Variants in SZRD1 observed in about 807,000 individuals in gnomAD.
SZRD1 encodes the protein SUZ RNA binding domain containing 1.
SZRD1 carries 7 observed loss-of-function variants against 17.6 expected under a neutral mutation model. The ratio of observed to expected loss-of-function variants is 0.40; its 90% CI spans 0.23 to 0.75. The LOEUF (loss-of-function observed/expected upper bound fraction) is 0.75, where lower values mean the gene tolerates loss of function less well. Ranked by LOEUF, SZRD1 falls within the 30% of genes least tolerant of loss-of-function variation. The pLI is 0.38. For synonymous variants in SZRD1, 77 were observed against 77.9 expected, an observed-to-expected ratio of 0.99 and a Z score of 0.06; for missense variants, 178 against 201.8, an observed-to-expected ratio of 0.88 and a Z score of 0.71.
rs1447859959 is a variant in SZRD1 at position 16,395,663 on chromosome 1, G to A, written c.*523G>A. ...ACAAATATCTGATTTGCAAGAAAAA[G>A]TGCATGGGAGGGGTTTTAGTGGTTT... On this transcript the variant is annotated 3_prime_UTR_variant, in exon 4 of 4. Coordinates refer to ENST00000401088, the MANE Select transcript of SZRD1 (RefSeq NM_001114600.3). 6.4e-6 allele frequency: 1 copy of A among 157,442 alleles called. No individual in the cohort carries two copies. Among genetic ancestry groups the A allele is most frequent in the Non-Finnish European group, 1.4e-5 (1 of 70,710 alleles). The allele number at this position is 157,442 out of a possible 1,614,324, so 9.8% of individuals were successfully genotyped here.
At chr1:16,385,934 CTG>C (rs1339650804) in intron 1 of SZRD1, among the ~76,000 whole-genome samples, 1 of 152,208 alleles carries the variant, frequency 6.6e-6, no homozygotes, top group African/African-American at 2.4e-5. Flanking sequence ...TTCCTCCCCA[CTG>C]TGCTTCTTCA....
At chr1:16,389,697 G>A (rs1415157872) in intron 1 of SZRD1, among the ~76,000 whole-genome samples, 4 of 152,136 alleles carry the variant, frequency 2.6e-5, no homozygotes, top group African/African-American at 7.2e-5. Context: ...CGCCCGCCTC[G>A]GCCTCCCAAA....
intron 1 of SZRD1, among the ~76,000 whole-genome samples, chr1:16,384,446 C>A (rs1338506652): frequency 6.6e-6 from 1 of 151,630 alleles, no homozygotes; most frequent in African/African-American, 2.4e-5. Flanking sequence ...TAGTTTTAGA[C>A]CAGATTTTGC....
intron 1 of SZRD1, among the ~76,000 whole-genome samples, chr1:16,389,400 G>T (rs2085186999): frequency 6.7e-6 from 1 of 150,272 alleles, no homozygotes; most frequent in Non-Finnish European, 1.5e-5. Flanking sequence ...GAGTAGCTGG[G>T]ACTACAGGCG....
In SZRD1 at chr1:16,388,114, C is replaced by CAT. The variant is rs140396025; in HGVS notation, c.52-3248_52-3247dup. Among the ~76,000 whole-genome samples the CAT allele has an allele frequency of 5.7e-3, 868 of 151,080 alleles. 4 individuals carry two copies. Among genetic ancestry groups the CAT allele is most frequent in the South Asian group, 0.018 (84 of 4,790 alleles). On this transcript the variant is annotated intron_variant, in intron 1 of 3. Coordinates refer to ENST00000401088, the MANE Select transcript of SZRD1 (RefSeq NM_001114600.3). Reference sequence around the variant, plus strand: ...TGGTGCCTCAGAATACAATAAATTACATATATATATATATTTTGAGACAGA... The same window carrying CAT: ...TGGTGCCTCAGAATACAATAAATTACATATATATATATATATTTTGAGACAGA...
At chr1:16,371,586 C>G (rs1046544781) in intron 1 of SZRD1, among the ~76,000 whole-genome samples, 6 of 151,564 alleles carry the variant, frequency 4.0e-5, no homozygotes, top group Non-Finnish European at 7.4e-5. Context: ...CTCAGCCTCC[C>G]GAGTAGCTGG....
chr1:16,371,086 A>G (rs1203095331), intron 1 of SZRD1, among the ~76,000 whole-genome samples: 6 of 152,214 alleles, frequency 3.9e-5, no homozygotes, highest in African/African-American at 9.6e-5. Flanking sequence ...GGTGAAGACT[A>G]ATAACCTAAA....
At chr1:16,394,746 G>C (rs1400881923) in intron 3 of SZRD1, among the ~76,000 whole-genome samples, 2 of 152,156 alleles carry the variant, frequency 1.3e-5, no homozygotes, top group African/African-American at 4.8e-5. Flanking sequence ...CTTGAGGTCA[G>C]GAGTTCAAGA....
chr1:16,379,797 G>A lies in SZRD1; in HGVS notation c.52-11578G>A, dbSNP rs2083066513. ...TTTTTTTGAGACGAAGTCTCGCTCT[G>A]TTGCCCAGGCTGGAGTGCAGTGGCG... On this transcript the variant is annotated intron_variant, in intron 1 of 3. Transcript: ENST00000401088. 2.3e-5 allele frequency among the ~76,000 whole-genome samples: 3 copies of A among 128,148 alleles called. No homozygotes were observed. In the Admixed American group the frequency reaches 2.8e-4, roughly 12 times the overall value. 84.1% of individuals were successfully genotyped at this position (128,148 alleles called of 152,430 possible).
Position 16,393,280 on chromosome 1 carries a change from C to T in SZRD1, c.154C>T (p.Leu52Phe). 6.2e-7 allele frequency: 1 copy of T among 1,614,212 alleles called. No individual in the cohort carries two copies. The highest frequency in any genetic ancestry group is 8.5e-7 in the Non-Finnish European group (1 of 1,180,034). The change falls in exon 3 of 4, where the codon CTT (leucine) becomes TTT (phenylalanine). Residue 52 changes from leucine to phenylalanine, a missense_variant. This residue lies in a region of SZRD1 where 117 missense variants were observed against 108.7 expected (regional missense o/e 1.08). Transcript: ENST00000401088. This position sits in a 1 kb window ranked among gnomAD's most constrained non-coding sequence, Gnocchi z 5.6. ...KVPIVIQDDSLPAGPPPQIRI... is the reference protein window; with the variant it reads ...KVPIVIQDDSFPAGPPPQIRI... ...GCCCATTGTGATTCAGGACGATAGC[C>T]TTCCCGCGGGGCCCCCTCCACAGAT...
intron 1 of SZRD1, among the ~76,000 whole-genome samples, chr1:16,386,516 A>C (rs757707465): frequency 1.5e-4 from 23 of 152,328 alleles, no homozygotes; most frequent in East Asian, 5.8e-4. Context: ...TTTTCAGAGC[A>C]TGAGTCTGAG....
chr1:16,389,691 C>T (rs201388037), intron 1 of SZRD1, among the ~76,000 whole-genome samples: 4,287 of 152,226 alleles, frequency 0.028, 183 homozygotes, highest in African/African-American at 0.091. Flanking sequence ...GTGATCCGCC[C>T]GCCTCGGCCT....
chr1:16,393,465 G>A lies in SZRD1; in HGVS notation c.339G>A (p.Glu113=). ...LGSASPEEEQ[E]KPILDRPTRI... ...GCGCCAGCCCCGAGGAGGAGCAGGA[G>A]AAACCCATCCTCGACAGGTGAGTGT... Residue 113 remains glutamate (E), a synonymous_variant, in exon 3 of 4, where the codon GAG becomes GAA. Transcript: ENST00000401088. The surrounding 1 kb of genome is among the most constrained non-coding windows in gnomAD (Gnocchi z 5.6). The A allele has an allele frequency of 6.2e-7, 1 of 1,612,670 alleles. No homozygotes were observed. Among genetic ancestry groups the A allele is most frequent in the Non-Finnish European group, 8.5e-7 (1 of 1,179,528 alleles).
At chr1:16,371,182 C>G (rs1470929925) in intron 1 of SZRD1, among the ~76,000 whole-genome samples, 4 of 152,134 alleles carry the variant, frequency 2.6e-5, no homozygotes, top group Non-Finnish European at 5.9e-5. Context: ...CCTCCAACAC[C>G]ACAAGAAAAT....
Position 16,391,465 on chromosome 1 carries a change from G to GT in SZRD1, c.101+44dup. On this transcript the variant is annotated intron_variant, in intron 2 of 3. Transcript: ENST00000401088. The surrounding 1 kb of genome is among the most constrained non-coding windows in gnomAD (Gnocchi z 4.3). ...GGTCTGAGGGCTCATGCTCTCTGTG[G>GT]TTTGAGAGCCGGGCAGTCAGTGGTG... 6.6e-7 allele frequency: 1 copy of GT among 1,507,870 alleles called. No homozygotes were observed. The highest frequency in any genetic ancestry group is 9.0e-7 in the Non-Finnish European group (1 of 1,110,472). The allele number at this position is 1,507,870 out of a possible 1,614,324, so 93.4% of individuals were successfully genotyped here.
intron 1 of SZRD1, among the ~76,000 whole-genome samples, chr1:16,380,934 A>G (rs142203962): frequency 0.016 from 2,500 of 151,880 alleles, 52 homozygotes; most frequent in Admixed American, 0.031. Context: ...TTTTAAAGAA[A>G]AAAATAGCTG....
rs1419564388 is a variant in SZRD1 at position 16,397,307 on chromosome 1, T to C, written c.*2167T>C. On this transcript the variant is annotated 3_prime_UTR_variant, in exon 4 of 4. Transcript: ENST00000401088. This position sits in a 1 kb window ranked among gnomAD's most constrained non-coding sequence, Gnocchi z 5.4. Reference sequence around the variant, plus strand: ...ACCCACCAGCAGTCATGCCCTGGGCTTCCCAAATGGAGAGGTAGCAGGCAA... The same window carrying C: ...ACCCACCAGCAGTCATGCCCTGGGCCTCCCAAATGGAGAGGTAGCAGGCAA... 6.6e-6 allele frequency: 1 copy of C among 152,280 alleles called. No homozygotes were observed. Among genetic ancestry groups the C allele is most frequent in the Non-Finnish European group, 1.5e-5 (1 of 68,060 alleles). The allele number at this position is 152,280 out of a possible 1,614,324, so 9.4% of individuals were successfully genotyped here.
At position 16,389,719 on chromosome 1, in the gene SZRD1, A is replaced by G. The variant is rs547320397; in HGVS notation, c.52-1656A>G. ...CTCGGCCTCCCAAAGTGCTGGGATTATAGGCGTGAGCCACCGCGCTGGGCT... is the reference window on the plus strand; with the variant it reads ...CTCGGCCTCCCAAAGTGCTGGGATTGTAGGCGTGAGCCACCGCGCTGGGCT... On this transcript the variant is annotated intron_variant, in intron 1 of 3. Transcript: ENST00000401088. Among the ~76,000 whole-genome samples the G allele has an allele frequency of 3.3e-5, 5 of 152,178 alleles. No homozygotes were observed. The South Asian group carries it at 1.0e-3, about 32-fold the overall frequency.
At chr1:16,379,495 C>G (rs543584175) in intron 1 of SZRD1, among the ~76,000 whole-genome samples, 6 of 152,354 alleles carry the variant, frequency 3.9e-5, no homozygotes, top group African/African-American at 1.4e-4. Flanking sequence ...GGCTGCTGGA[C>G]GCTCCACAGG....
Sources: gnomAD v4.1 joint callset for allele counts (sites outside exome capture counted in the v4.1 genomes callset) on GRCh38, gnomAD v4.1.1 for gene constraint, gnomAD v4.1.1 regional missense constraint, Gnocchi (gnomAD v3.1) non-coding constraint, MANE v1.5 for transcripts, NCBI Gene and HGNC (gene_info 2026-07-23, HGNC 2026-07-21) for gene names.